The following ZNF362 variants were observed in gnomAD, a reference collection of about 807,000 sequenced individuals.
ZNF362 encodes zinc finger protein 362, also known as rotund homolog.
A neutral mutation model predicts 42.9 loss-of-function variants in ZNF362; 11 were observed. The ratio of observed to expected loss-of-function variants is 0.26; its 90% CI spans 0.16 to 0.42. The LOEUF is 0.42. ZNF362 is among the 20% of genes least tolerant of loss of function. The pLI, the probability that ZNF362 is intolerant of heterozygous loss-of-function variation, is 1.00. For synonymous variants in ZNF362, 255 were observed against 257.3 expected (o/e 0.99, Z 0.09); for missense variants, 362 against 576.2 (o/e 0.63, Z 3.81).
At chr1:33,238,242 C>T in the ZNF362 span, among the ~76,000 whole-genome samples, 2 of 151,582 alleles carry the variant, frequency 1.3e-5, no homozygotes, top group Non-Finnish European at 2.9e-5. Context: ...TCACTTGAAC[C>T]TGGGAGGCAG....
At chr1:33,175,634 C>T in the ZNF362 span, among the ~76,000 whole-genome samples, 1 of 152,114 alleles carries the variant, frequency 6.6e-6, no homozygotes, top group Non-Finnish European at 1.5e-5. Flanking sequence ...TCAGAAAGAC[C>T]ACTTTGAATC....
the ZNF362 span, chr1:33,162,924 G>A: frequency 6.6e-6 from 1 of 152,240 alleles, no homozygotes; most frequent in Non-Finnish European, 1.5e-5. Context: ...TGGGACTTCA[G>A]GTTGGTCCCT....
At chr1:33,218,420 G>A in the ZNF362 span, among the ~76,000 whole-genome samples, 1 of 152,070 alleles carries the variant, frequency 6.6e-6, no homozygotes, top group African/African-American at 2.4e-5. Context: ...ACTCCAGCCT[G>A]GACCCTGTCT....
chr1:33,229,974 A>G, the ZNF362 span, among the ~76,000 whole-genome samples: 1 of 152,212 alleles, frequency 6.6e-6, no homozygotes, highest in Admixed American at 6.5e-5. Context: ...ACCCACATGC[A>G]TACCATTTAG....
intron 6 of ZNF362, among the ~76,000 whole-genome samples, chr1:33,293,679 C>T (rs1208755717): frequency 6.6e-6 from 1 of 152,202 alleles, no homozygotes; most frequent in Admixed American, 6.5e-5. Flanking sequence ...CATTTCATTG[C>T]TCACCTGCTT....
At chr1:33,144,896 G>T in the ZNF362 span, among the ~76,000 whole-genome samples, 3 of 152,194 alleles carry the variant, frequency 2.0e-5, no homozygotes, top group East Asian at 5.8e-4. Context: ...GGAGGCAGCT[G>T]GGGGGATAGG....
the ZNF362 span, among the ~76,000 whole-genome samples, chr1:33,168,828 T>C: frequency 6.6e-6 from 1 of 152,122 alleles, no homozygotes; most frequent in Non-Finnish European, 1.5e-5. Flanking sequence ...AGTGCTACAA[T>C]TCTCCCCCTG....
the ZNF362 span, among the ~76,000 whole-genome samples, chr1:33,235,709 T>C: frequency 1.3e-5 from 2 of 151,918 alleles, no homozygotes; most frequent in Non-Finnish European, 2.9e-5. Flanking sequence ...GCATGGAAAA[T>C]TACTAAGAGG....
At chr1:33,201,380 A>G in the ZNF362 span, among the ~76,000 whole-genome samples, 2 of 152,236 alleles carry the variant, frequency 1.3e-5, no homozygotes, top group African/African-American at 4.8e-5. Flanking sequence ...AAGACAGACC[A>G]TATTCTGGGG....
the ZNF362 span, chr1:33,200,392 GA>G: frequency 6.6e-6 from 1 of 151,974 alleles, no homozygotes; most frequent in South Asian, 2.1e-4. Flanking sequence ...AGAAAAAATG[GA>G]AGAAAAAATT....
the ZNF362 span, among the ~76,000 whole-genome samples, chr1:33,220,045 C>T: frequency 6.6e-6 from 1 of 152,092 alleles, no homozygotes; most frequent in Non-Finnish European, 1.5e-5. Flanking sequence ...ATGACTATGG[C>T]CTGGGGGTGG....
At chr1:33,169,230 C>G in the ZNF362 span, among the ~76,000 whole-genome samples, 7 of 152,064 alleles carry the variant, frequency 4.6e-5, no homozygotes, top group Non-Finnish European at 8.8e-5. Context: ...CAAACTTGCT[C>G]CTCTCCCCAT....
the ZNF362 span, among the ~76,000 whole-genome samples, chr1:33,154,102 T>C: frequency 3.3e-5 from 5 of 152,210 alleles, no homozygotes; most frequent in Non-Finnish European, 5.9e-5. Context: ...GGGAATGGCA[T>C]GTGCAAACGT....
At chr1:33,201,348 C>G in the ZNF362 span, among the ~76,000 whole-genome samples, 1 of 152,200 alleles carries the variant, frequency 6.6e-6, no homozygotes, top group African/African-American at 2.4e-5. Flanking sequence ...ACATTAATTT[C>G]AGCTAACACG....
chr1:33,154,446 C>T, the ZNF362 span, among the ~76,000 whole-genome samples: 8 of 152,122 alleles, frequency 5.3e-5, no homozygotes, highest in Non-Finnish European at 1.0e-4. Flanking sequence ...TTCTCTCTTC[C>T]ATTATCTTGC....
At chr1:33,216,594 T>C in the ZNF362 span, among the ~76,000 whole-genome samples, 11 of 46,146 alleles carry the variant, frequency 2.4e-4, no homozygotes, top group African/African-American at 7.2e-4. Context: ...AGCAAGACTC[T>C]GTCTCAAAAA....
the ZNF362 span, chr1:33,165,343 T>G: frequency 2.5e-6 from 2 of 803,846 alleles, no homozygotes; most frequent in Non-Finnish European, 1.9e-6. This position sits in a 1 kb window ranked among gnomAD's most constrained non-coding sequence, Gnocchi z 4.0. Context: ...TCACTCCAGG[T>G]TTGGCTCCTT....
chr1:33,133,497 C>T, the ZNF362 span, among the ~76,000 whole-genome samples: 2 of 152,226 alleles, frequency 1.3e-5, no homozygotes, highest in Non-Finnish European at 2.9e-5. Flanking sequence ...GGCAGGTGAC[C>T]TGGGACCACC....
intron 1 of ZNF362, among the ~76,000 whole-genome samples, chr1:33,262,465 C>T (rs1248446464): frequency 8.6e-5 from 13 of 151,974 alleles, no homozygotes. Flanking sequence ...CACCACCACG[C>T]CCAGCTAATT....
Sources: gnomAD v4.1 joint callset for allele counts (sites outside exome capture counted in the v4.1 genomes callset) on GRCh38, gnomAD v4.1.1 for gene constraint, Gnocchi (gnomAD v3.1) non-coding constraint, MANE v1.5 for transcripts, NCBI Gene and HGNC (gene_info 2026-07-23, HGNC 2026-07-21) for gene names.